PLA2R1: variants seen among roughly 807,000 people sequenced by gnomAD.
The protein encoded by PLA2R1 is secretory phospholipase A2 receptor.
In PLA2R1, 158 loss-of-function variants were observed where a neutral mutation model predicts 195.9. The observed-to-expected ratio is 0.81, with a 90% CI of 0.71 to 0.92. The LOEUF (loss-of-function observed/expected upper bound fraction) is 0.92, where lower values mean the gene tolerates loss of function less well. Among genes scored for constraint, PLA2R1 ranks in the 40% least tolerant of loss-of-function variants. The probability of loss-of-function intolerance (pLI) is 0.00; values close to 1 mark genes in which losing one functional copy is unlikely to be tolerated. For missense variants in PLA2R1, 1,626 were observed against 1,764.6 expected, an observed-to-expected ratio of 0.92 and a Z score of 1.41; for synonymous variants, 586 against 598.2, an observed-to-expected ratio of 0.98 and a Z score of 0.30.
chr2:160,016,810 C>T (rs1692804894), intron 8 of PLA2R1, 98 bp from the exon 9 acceptor site: 4 of 660,914 alleles, frequency 6.1e-6, no homozygotes, highest in Admixed American at 5.0e-5. Context: ...ATAATGTGCT[C>T]CCGCGTGGGA....
chr2:159,958,565 T>C (rs1421870927), intron 20 of PLA2R1, among the ~76,000 whole-genome samples: 1 of 152,124 alleles, frequency 6.6e-6, no homozygotes, highest in Non-Finnish European at 1.5e-5. Flanking sequence ...AGACTAAGTC[T>C]TACTCCTCTT....
At chr2:159,924,458 C>T in the PLA2R1 span, among the ~76,000 whole-genome samples, 2 of 152,290 alleles carry the variant, frequency 1.3e-5, no homozygotes, top group African/African-American at 2.4e-5. Flanking sequence ...ATGTCCCATG[C>T]CTGCTCCTGA....
chr2:159,946,823 CAACCA>C lies in PLA2R1; in HGVS notation c.3940_3944del (p.Trp1314GlufsTer5), dbSNP rs772862653. On this transcript the variant is annotated frameshift_variant, in exon 27 of 30. Transcript: ENST00000283243. LOFTEE classifies it high-confidence loss of function. ...TACTGTTACCATCAAATTGAGCATT[CAACCA>C]AACCATCTGGACAGAAGAACCAAAA... 14 of 1,609,088 alleles carry C rather than the reference CAACCA, an allele frequency of 8.7e-6. No individual in the cohort carries two copies. Among genetic ancestry groups the C allele is most frequent in the Non-Finnish European group, 3.4e-6 (4 of 1,178,364 alleles).
chr2:160,002,086 C>T (rs191228538), intron 11 of PLA2R1, among the ~76,000 whole-genome samples: 54 of 151,694 alleles, frequency 3.6e-4, no homozygotes, highest in Middle Eastern at 3.4e-3. Context: ...TTTGAAAGGA[C>T]AGGCACCAAA....
At chr2:160,027,247 AGAAG>A (rs1403153846) in intron 6 of PLA2R1, among the ~76,000 whole-genome samples, 1 of 152,176 alleles carries the variant, frequency 6.6e-6, no homozygotes, top group African/African-American at 2.4e-5. Context: ...TAAATATAAC[AGAAG>A]GAAAGAAGGG....
rs1265141721 is a variant in PLA2R1, at chr2:159,947,501, T to A, written c.3768A>T (p.Lys1256Asn). Residue 1256 changes from lysine (K) to asparagine (N), a missense_variant, in exon 26 of 30, where the codon AAA becomes AAT. Lys to Asn is a moderately conservative substitution (Grantham distance 94, BLOSUM62 0). Transcript: ENST00000283243. ...AAAAACTGTAGCAATTACTTTTAAATTTTATCCAGGGAATAGATGTTTCTG... is the reference window on the plus strand; with the variant it reads ...AAAAACTGTAGCAATTACTTTTAAAATTTATCCAGGGAATAGATGTTTCTG... ...LCSETSIPWIKFKSNCYSFST... is the reference protein window; with the variant it reads ...LCSETSIPWINFKSNCYSFST... 2.5e-6 allele frequency: 4 copies of A among 1,613,300 alleles called. No individual in the cohort carries two copies. Among genetic ancestry groups the A allele is most frequent in the Non-Finnish European group, 2.5e-6 (3 of 1,179,364 alleles).
At chr2:160,056,192 GA>G (rs1386953490) in intron 1 of PLA2R1, among the ~76,000 whole-genome samples, 1 of 142,942 alleles carries the variant, frequency 7.0e-6, no homozygotes, top group African/African-American at 2.9e-5. Flanking sequence ...AAACGAAACA[GA>G]ATGGAACAGG....
chr2:159,977,594 T>C (rs994055402), intron 14 of PLA2R1, among the ~76,000 whole-genome samples, 178 bp from the exon 15 acceptor site: 1 of 126,802 alleles, frequency 7.9e-6, no homozygotes, highest in African/African-American at 2.5e-5. Context: ...CTAATCAATA[T>C]TTAGCATTTT....
chr2:160,032,963 T>C lies in PLA2R1; in HGVS notation c.837A>G (p.Ile279Met). Residue 279 changes from isoleucine to methionine, a missense_variant, in exon 4 of 30, where the codon ATA becomes ATG. Transcript: ENST00000283243. ...GTGCGTCATCCACCTACTTACCCCT[T>C]ATGAAATTTTCTTCAGTTTCATCTG... is the stretch of plus-strand genomic sequence containing the variant. ...SITDETEENF[I>M]REHMSSKTVE... The C allele has an allele frequency of 6.2e-7, 1 of 1,605,940 alleles. No individual in the cohort carries two copies. Among genetic ancestry groups the C allele is most frequent in the African/African-American group, 1.3e-5 (1 of 74,844 alleles).
intron 13 of PLA2R1, among the ~76,000 whole-genome samples, chr2:159,981,313 C>T (rs1689936445): frequency 7.0e-6 from 1 of 143,710 alleles, no homozygotes; most frequent in African/African-American, 3.0e-5. Context: ...GTTATACCTG[C>T]TAACTATGAG....
chr2:159,999,004 G>A (rs1691414186), intron 11 of PLA2R1, among the ~76,000 whole-genome samples: 1 of 152,054 alleles, frequency 6.6e-6, no homozygotes, highest in African/African-American at 2.4e-5. Flanking sequence ...GGGCCTTCTG[G>A]GAAGTAATAA....
chr2:160,008,278 C>T (rs956469676), intron 10 of PLA2R1, among the ~76,000 whole-genome samples: 1 of 152,182 alleles, frequency 6.6e-6, no homozygotes, highest in Non-Finnish European at 1.5e-5. Context: ...TGTACTCCAG[C>T]CTGGGTGATA....
Position 160,045,171 on chromosome 2 carries a change from C to G in PLA2R1, c.110-14G>C, listed in dbSNP as rs1303968201. 1.3e-6 allele frequency: 2 copies of G among 1,576,494 alleles called. No individual in the cohort carries two copies. ...ATATTCCTTTATCTGAAACAAAAATCAAAGATGTGGCATGAAATTTTCATA... is the reference window on the plus strand; with the variant it reads ...ATATTCCTTTATCTGAAACAAAAATGAAAGATGTGGCATGAAATTTTCATA... On this transcript the variant is annotated splice_polypyrimidine_tract_variant and intron_variant, in intron 1 of 29. Coordinates refer to ENST00000283243, the MANE Select transcript of PLA2R1 (RefSeq NM_007366.5).
chr2:160,043,618 T>A (rs1429847944), intron 2 of PLA2R1, among the ~76,000 whole-genome samples: 1 of 152,138 alleles, frequency 6.6e-6, no homozygotes, highest in African/African-American at 2.4e-5. Context: ...TTTCTTTCAG[T>A]CCCCTTCCTT....
intron 11 of PLA2R1, among the ~76,000 whole-genome samples, chr2:159,996,084 G>T (rs1194830830): frequency 2.0e-5 from 3 of 152,050 alleles, no homozygotes; most frequent in Non-Finnish European, 2.9e-5. Context: ...TTAAGACTAA[G>T]AAAAATAGAA....
Position 160,036,871 on chromosome 2 carries a change from G to A in PLA2R1, c.668-3739C>T, listed in dbSNP as rs573109408. 3.4e-4 allele frequency among the ~76,000 whole-genome samples: 51 copies of A among 149,984 alleles called. 1 individual carries two copies. Among genetic ancestry groups the A allele is most frequent in the South Asian group, 6.3e-4 (3 of 4,740 alleles). ...GCTGATCCACTGACCCTCGATGGCT[G>A]TGCTGTTCCCTGGGGAAAAATGGAA... On this transcript the variant is annotated intron_variant, in intron 3 of 29. Coordinates refer to ENST00000283243, the MANE Select transcript of PLA2R1 (RefSeq NM_007366.5).
chr2:160,005,423 A>G (rs1380630120), intron 11 of PLA2R1, among the ~76,000 whole-genome samples: 1 of 151,764 alleles, frequency 6.6e-6, no homozygotes, highest in Non-Finnish European at 1.5e-5. Context: ...TGACAGAGCG[A>G]GACCTCGTCT....
At chr2:160,035,393 C>A (rs904868066) in intron 3 of PLA2R1, among the ~76,000 whole-genome samples, 1 of 152,146 alleles carries the variant, frequency 6.6e-6, no homozygotes, top group African/African-American at 2.4e-5. Flanking sequence ...CAGCTGACAC[C>A]ATGACTGGTC....
chr2:160,027,606 A>T (rs1693604782), intron 6 of PLA2R1, among the ~76,000 whole-genome samples: 1 of 152,202 alleles, frequency 6.6e-6, no homozygotes, highest in Non-Finnish European at 1.5e-5. Context: ...TTTTGTAATG[A>T]TTCTTTAAAA....
Sources: allele counts gnomAD v4.1 joint callset (sites outside exome capture counted in the v4.1 genomes callset), GRCh38; gene constraint gnomAD v4.1.1; transcripts MANE v1.5; gene names NCBI Gene and HGNC (gene_info 2026-07-23, HGNC 2026-07-21).